The following GPR89B variants were observed in gnomAD, a reference collection of about 807,000 sequenced individuals.
GPR89B encodes golgi pH regulator B, also known as G protein-coupled receptor 89B.
In GPR89B, 25 loss-of-function variants were observed where a neutral mutation model predicts 52.4. That is an observed-to-expected ratio of 0.48 (90% CI 0.35 to 0.67). The LOEUF (loss-of-function observed/expected upper bound fraction) is 0.67, where lower values mean the gene tolerates loss of function less well. GPR89B is among the 30% of genes least tolerant of loss of function. The pLI is 0.01. For synonymous variants in GPR89B, 52 were observed against 151.2 expected (o/e 0.34, Z 4.81); for missense variants, 146 against 450.2 (o/e 0.32, Z 6.11).
At chr1:147,950,128 C>A (rs1571254398) in intron 5 of GPR89B, among the ~76,000 whole-genome samples, 1 of 151,760 alleles carries the variant, frequency 6.6e-6, no homozygotes, top group African/African-American at 2.4e-5. Context: ...ACGCTCCTCA[C>A]TTCCCAGACG....
chr1:148,002,989 G>A, the GPR89B span, among the ~76,000 whole-genome samples: 2 of 152,130 alleles, frequency 1.3e-5, no homozygotes, highest in Non-Finnish European at 2.9e-5. Context: ...CACAGTGCTT[G>A]ATCTGCCCCT....
intron 2 of GPR89B, among the ~76,000 whole-genome samples, chr1:147,937,457 A>C (rs1214566537): frequency 6.6e-6 from 1 of 152,184 alleles, no homozygotes; most frequent in African/African-American, 2.4e-5. Flanking sequence ...AGAATTTACC[A>C]GGCTGGAATT....
chr1:148,013,859 G>A, the GPR89B span, among the ~76,000 whole-genome samples: 11 of 152,142 alleles, frequency 7.2e-5, no homozygotes, highest in Admixed American at 2.6e-4. Context: ...AGGACGGCTG[G>A]GGAGGAGGAG....
At chr1:147,982,756 A>G (rs1363304159) in intron 10 of GPR89B, among the ~76,000 whole-genome samples, 5 of 147,020 alleles carry the variant, frequency 3.4e-5, no homozygotes, top group Non-Finnish European at 7.5e-5. Flanking sequence ...CATTTTCATG[A>G]TATTGATTCT....
chr1:147,997,328 G>C (rs1460148069), downstream of GPR89B, among the ~76,000 whole-genome samples: 1 of 152,316 alleles, frequency 6.6e-6, no homozygotes, highest in South Asian at 2.1e-4. Flanking sequence ...TTCCAGAGGG[G>C]ATTAGCATGC....
intron 7 of GPR89B, among the ~76,000 whole-genome samples, chr1:147,957,735 T>C (rs1346252088): frequency 1.3e-5 from 2 of 151,924 alleles, no homozygotes; most frequent in Non-Finnish European, 2.9e-5. Context: ...GTAAGACCCA[T>C]AGTCAAGTTA....
chr1:147,935,368 CAGTAAAGT>C (rs1653996073), intron 1 of GPR89B, among the ~76,000 whole-genome samples: 1 of 152,128 alleles, frequency 6.6e-6, no homozygotes, highest in Non-Finnish European at 1.5e-5. Flanking sequence ...TACACTTGCT[CAGTAAAGT>C]AGTCCCTAGA....
At chr1:147,991,035 G>A (rs1163676696) in intron 12 of GPR89B, among the ~76,000 whole-genome samples, 2 of 151,142 alleles carry the variant, frequency 1.3e-5, no homozygotes, top group East Asian at 1.9e-4. Flanking sequence ...AAATTACCTT[G>A]GGCAGTATGG....
chr1:147,990,664 T>C (rs1341887937), intron 12 of GPR89B, among the ~76,000 whole-genome samples: 2 of 152,146 alleles, frequency 1.3e-5, no homozygotes, highest in African/African-American at 2.4e-5. Flanking sequence ...GCTTTCTACA[T>C]ATGGCTAGCC....
At chr1:147,995,378 G>A (rs1225457087), downstream of GPR89B, among the ~76,000 whole-genome samples, 4 of 150,968 alleles carry the variant, frequency 2.6e-5, no homozygotes, top group East Asian at 7.8e-4. Flanking sequence ...ATTAGCTCTA[G>A]ACAGTTGCTG....
chr1:147,930,547 G>A (rs1488760769), intron 1 of GPR89B, among the ~76,000 whole-genome samples: 1 of 151,962 alleles, frequency 6.6e-6, no homozygotes, highest in Non-Finnish European at 1.5e-5. Context: ...GTGAATATTT[G>A]TTTAATAAAA....
At chr1:148,017,827 C>T in the GPR89B span, among the ~76,000 whole-genome samples, 1 of 150,690 alleles carries the variant, frequency 6.6e-6, no homozygotes, top group African/African-American at 2.5e-5. Flanking sequence ...CCCCAGACAT[C>T]CCTTTATTAA....
chr1:148,006,419 AT>A, the GPR89B span, among the ~76,000 whole-genome samples: 9 of 152,210 alleles, frequency 5.9e-5, no homozygotes, highest in African/African-American at 2.2e-4. Context: ...AGGTGGTGAG[AT>A]TTAGGTGCTA....
At chr1:147,984,646 G>T (rs1402469622) in intron 10 of GPR89B, among the ~76,000 whole-genome samples, 3 of 150,028 alleles carry the variant, frequency 2.0e-5, no homozygotes, top group Admixed American at 6.7e-5. Context: ...TGATATAGGG[G>T]TTTTAATGCT....
intron 7 of GPR89B, among the ~76,000 whole-genome samples, chr1:147,963,318 G>A (rs1483239055): frequency 2.3e-4 from 35 of 152,072 alleles, no homozygotes; most frequent in Admixed American, 2.3e-3. Context: ...GGAGGTTGCA[G>A]TGAGCCAAGA....
At chr1:147,933,160 G>A (rs7538943) in intron 1 of GPR89B, among the ~76,000 whole-genome samples, 1 of 150,026 alleles carries the variant, frequency 6.7e-6, no homozygotes. Flanking sequence ...CTTGACTGCT[G>A]TCTTTCCCCT....
Position 147,928,495 on chromosome 1 carries a change from G to C in GPR89B, c.-42G>C. 6.2e-7 allele frequency: 1 copy of C among 1,612,998 alleles called. No homozygotes were observed. Among genetic ancestry groups the C allele is most frequent in the Non-Finnish European group, 8.5e-7 (1 of 1,179,036 alleles). Reference sequence around the variant, plus strand: ...GTGGCCCCAGCGTGCTGTGGCCTCCGGGAGTGGGAAGTGGAGGCAGGAGCC... The same window carrying C: ...GTGGCCCCAGCGTGCTGTGGCCTCCCGGAGTGGGAAGTGGAGGCAGGAGCC... On this transcript the variant is annotated 5_prime_UTR_variant, in exon 1 of 14. Transcript: ENST00000314163.
the GPR89B span, among the ~76,000 whole-genome samples, chr1:148,025,622 A>G: frequency 6.7e-5 from 10 of 149,096 alleles, no homozygotes; most frequent in African/African-American, 2.5e-4. Flanking sequence ...ATATGTTGAA[A>G]GCTTAACCCC....
At chr1:147,994,600 C>T (rs1252544529), downstream of GPR89B, among the ~76,000 whole-genome samples, 1,203 of 152,220 alleles carry the variant, frequency 7.9e-3, 25 homozygotes, top group East Asian at 0.047. Flanking sequence ...GTCAGGTGAC[C>T]TGAATTCTAC....
Sources: gnomAD v4.1 joint callset for allele counts (sites outside exome capture counted in the v4.1 genomes callset) on GRCh38, gnomAD v4.1.1 for gene constraint, MANE v1.5 for transcripts, NCBI Gene and HGNC (gene_info 2026-07-23, HGNC 2026-07-21) for gene names.